CNOT9: variants seen among roughly 807,000 people sequenced by gnomAD.
The protein encoded by CNOT9 is RCD1 required for cell differentiation1 homolog.
CNOT9 carries 8 observed loss-of-function variants against 37.4 expected under a neutral mutation model. The observed-to-expected ratio is 0.21, with a 90% CI of 0.13 to 0.39. The LOEUF (loss-of-function observed/expected upper bound fraction) is 0.39. Among genes scored for constraint, CNOT9 ranks in the 10% least tolerant of loss-of-function variants. CNOT9 has a pLI of 1.00. For synonymous variants in CNOT9, 120 were observed against 137.6 expected (o/e 0.87, Z 0.90); for missense variants, 154 against 365.3 (o/e 0.42, Z 4.71).
At chr2:218,577,182 C>T (rs1019536938) in intron 1 of CNOT9, among the ~76,000 whole-genome samples, 2 of 152,058 alleles carry the variant, frequency 1.3e-5, no homozygotes, top group African/African-American at 2.4e-5. Context: ...TAGGACAGTG[C>T]CTGGCAGAGT....
Position 218,592,458 on chromosome 2 carries a change from CTT to C in CNOT9, c.639+58_639+59del. The C allele has an allele frequency of 6.6e-7, 1 of 1,521,962 alleles. No individual in the cohort carries two copies. The highest frequency in any genetic ancestry group is 9.1e-7 in the Non-Finnish European group (1 of 1,096,304). The allele number at this position is 1,521,962 out of a possible 1,614,324, so 94.3% of individuals were successfully genotyped here. ...TACTTCTCATCACAAAGCTTAATCT[CTT>C]TATAACTGGCATTGAACAACTTCAG... On this transcript the variant is annotated intron_variant, in intron 6 of 7. Coordinates refer to ENST00000273064, the MANE Select transcript of CNOT9 (RefSeq NM_005444.3). The surrounding 1 kb of genome is among the most constrained non-coding windows in gnomAD (Gnocchi z 4.1).
intron 4 of CNOT9, among the ~76,000 whole-genome samples, chr2:218,586,799 A>G (rs534339090): frequency 6.6e-6 from 1 of 152,144 alleles, no homozygotes; most frequent in South Asian, 2.1e-4. Context: ...CTGATCTCAG[A>G]CTTTCAGCTG....
chr2:218,575,693 G>A (rs1212108116), intron 1 of CNOT9, among the ~76,000 whole-genome samples: 1 of 152,092 alleles, frequency 6.6e-6, no homozygotes, highest in Non-Finnish European at 1.5e-5. Context: ...GTGAGCCACC[G>A]TGCCGGACTT....
intron 1 of CNOT9, among the ~76,000 whole-genome samples, chr2:218,578,909 C>T (rs552597169): frequency 1.3e-5 from 2 of 152,208 alleles, no homozygotes; most frequent in East Asian, 1.9e-4. Flanking sequence ...GATTCTTTAG[C>T]ATAATAATGA....
Position 218,592,967 on chromosome 2 carries a change from A to T in CNOT9, c.731+260A>T. The T allele has an allele frequency of 2.1e-6, 1 of 474,690 alleles. No homozygotes were observed. Among genetic ancestry groups the T allele is most frequent in the Admixed American group, 3.9e-5 (1 of 25,668 alleles). The allele number at this position is 474,690 out of a possible 1,614,324, so 29.4% of individuals were successfully genotyped here. On this transcript the variant is annotated intron_variant, in intron 7 of 7. Coordinates refer to ENST00000273064, the MANE Select transcript of CNOT9 (RefSeq NM_005444.3). The surrounding 1 kb of genome is among the most constrained non-coding windows in gnomAD (Gnocchi z 4.1). ...AGGCGATTCCAAAGGAAACCTTATG[A>T]TGCATTACTCCTGTTGTTTGAATTT...
rs1694942566 is a variant in CNOT9, at chr2:218,596,978, C to T, written c.*2702C>T. On this transcript the variant is annotated 3_prime_UTR_variant, in exon 8 of 8. Transcript: ENST00000273064. ...TTGGTAGCCTTCAGAGCATGCCTTG[C>T]TTACTAACTACATATTATTCCTCTG... 1 of 152,090 alleles carries T rather than the reference C, an allele frequency of 6.6e-6. No individual in the cohort carries two copies. The highest frequency in any genetic ancestry group is 1.9e-4 in the East Asian group (1 of 5,190). 9.4% of individuals were successfully genotyped at this position (152,090 alleles called of 1,614,324 possible). A position where few individuals can be genotyped will look rare whatever the true frequency, so the allele number is the denominator to read the frequency against.
At chr2:218,576,564 T>C (rs991807201) in intron 1 of CNOT9, among the ~76,000 whole-genome samples, 1 of 152,260 alleles carries the variant, frequency 6.6e-6, no homozygotes, top group Non-Finnish European at 1.5e-5. Context: ...TTCATAGTAC[T>C]GAGTGTTCTT....
chr2:218,572,373 C>A (rs940606635), intron 1 of CNOT9, among the ~76,000 whole-genome samples: 1 of 151,964 alleles, frequency 6.6e-6, no homozygotes, highest in Non-Finnish European at 1.5e-5. Flanking sequence ...TGGCTAGATT[C>A]ACTCACTGAT....
chr2:218,586,375 T>A (rs1694598630), intron 4 of CNOT9, among the ~76,000 whole-genome samples: 1 of 152,126 alleles, frequency 6.6e-6, no homozygotes, highest in South Asian at 2.1e-4. Flanking sequence ...GAGCTTGTGC[T>A]CCCTCATTCG....
At chr2:218,569,265 C>A (rs1331905579) in intron 1 of CNOT9, among the ~76,000 whole-genome samples, 2 of 152,130 alleles carry the variant, frequency 1.3e-5, no homozygotes, top group African/African-American at 2.4e-5. Context: ...TTGCGCTGAC[C>A]AACAGTTTCA....
chr2:218,584,671 G>A lies in CNOT9; in HGVS notation c.380G>A (p.Ser127Asn). The change falls in exon 4 of 8, where the codon AGC becomes AAC. Residue 127 changes from serine (S) to asparagine (N), a missense_variant. This residue lies in a region of CNOT9 where 117 missense variants were observed against 325.4 expected (regional missense o/e 0.36). Transcript: ENST00000273064. ...TTGTACCCCTTTTTGCACACTGTCA[G>A]CAAAACACGTCCCTTTGAGTATCTC... ...LFLYPFLHTV[S>N]KTRPFEYLRL... The A allele has an allele frequency of 6.2e-7, 1 of 1,614,010 alleles. No homozygotes were observed. The highest frequency in any genetic ancestry group is 8.5e-7 in the Non-Finnish European group (1 of 1,179,926).
intron 3 of CNOT9, among the ~76,000 whole-genome samples, chr2:218,584,002 T>C (rs968421797): frequency 6.6e-6 from 1 of 152,224 alleles, no homozygotes; most frequent in African/African-American, 2.4e-5. Context: ...TGCTTTGTTT[T>C]GTTGTATTGG....
At chr2:218,583,735 C>CT (rs1319167619) in intron 3 of CNOT9, among the ~76,000 whole-genome samples, 1 of 152,144 alleles carries the variant, frequency 6.6e-6, no homozygotes, top group Non-Finnish European at 1.5e-5. Flanking sequence ...TGGCACTGAC[C>CT]TTACACAGCT....
chr2:218,574,602 T>A (rs1300065317), intron 1 of CNOT9, among the ~76,000 whole-genome samples: 1 of 152,246 alleles, frequency 6.6e-6, no homozygotes, highest in Non-Finnish European at 1.5e-5. Flanking sequence ...GTACACTGGC[T>A]GTGTGACCTT....
rs551670648 is a variant in CNOT9, at chr2:218,576,704, A to G, written c.25-3857A>G. ...ATTTTTAGGCTGAGCACAGTCGCTT[A>G]TACCTGCAATTCCAGCACTTTGGGA... is the stretch of plus-strand genomic sequence containing the variant. On this transcript the variant is annotated intron_variant, in intron 1 of 7. Coordinates refer to ENST00000273064, the MANE Select transcript of CNOT9 (RefSeq NM_005444.3). 3.3e-5 allele frequency among the ~76,000 whole-genome samples: 5 copies of G among 152,336 alleles called. No homozygotes were observed. The South Asian group carries it at 1.0e-3, about 32-fold the overall frequency.
intron 1 of CNOT9, chr2:218,572,623 C>G (rs1694035901): frequency 1.1e-6 from 1 of 919,960 alleles, no homozygotes; most frequent in Admixed American, 6.2e-5. Flanking sequence ...ATAGTGAGAC[C>G]CTGTCTCAAA....
rs887337264 is a variant in CNOT9, at chr2:218,571,166, C to T, written c.24+2188C>T. Among the ~76,000 whole-genome samples the T allele has an allele frequency of 1.4e-4, 21 of 152,140 alleles. No homozygotes were observed. In the East Asian group the frequency reaches 2.1e-3, roughly 15 times the overall value. Reference sequence around the variant, plus strand: ...ACTTGAGAAGATGCTTACTTTCTGCCGAACAATGAAAGTGTGTATCTGTGA... The same window carrying T: ...ACTTGAGAAGATGCTTACTTTCTGCTGAACAATGAAAGTGTGTATCTGTGA... On this transcript the variant is annotated intron_variant, in intron 1 of 7. Coordinates refer to ENST00000273064, the MANE Select transcript of CNOT9 (RefSeq NM_005444.3).
intron 1 of CNOT9, among the ~76,000 whole-genome samples, chr2:218,579,212 A>G (rs937533825): frequency 4.6e-5 from 7 of 152,352 alleles, no homozygotes; most frequent in Middle Eastern, 3.4e-3. Context: ...TAAATCCCCA[A>G]CCTTAGAGGT....
chr2:218,586,090 T>G (rs1461837221), intron 4 of CNOT9, among the ~76,000 whole-genome samples: 1 of 152,228 alleles, frequency 6.6e-6, no homozygotes, highest in Non-Finnish European at 1.5e-5. Context: ...GTTCATTGAT[T>G]GGTGTATCAA....
Sources: allele counts gnomAD v4.1 joint callset (sites outside exome capture counted in the v4.1 genomes callset), GRCh38; gene constraint gnomAD v4.1.1; regional missense constraint gnomAD v4.1.1; non-coding constraint Gnocchi (gnomAD v3.1); transcripts MANE v1.5; gene names NCBI Gene and HGNC (gene_info 2026-07-23, HGNC 2026-07-21).